The following CHAF1B variants were observed in gnomAD, a reference collection of about 807,000 sequenced individuals.
The protein encoded by CHAF1B is chromatin assembly factor 1 subunit B.
CHAF1B carries 10 observed loss-of-function variants against 60.7 expected under a neutral mutation model. That is an observed-to-expected ratio of 0.16 (90% CI 0.10 to 0.28). CHAF1B has a LOEUF of 0.28. CHAF1B is among the 10% of genes least tolerant of loss of function. The probability of loss-of-function intolerance (pLI) is 1.00; values close to 1 mark genes in which losing one functional copy is unlikely to be tolerated. For synonymous variants in CHAF1B, 261 were observed against 266.1 expected (o/e 0.98, Z 0.19); for missense variants, 558 against 708.4 (o/e 0.79, Z 2.41).
rs2086291223 is a variant in CHAF1B at position 36,413,152 on chromosome 21, A to G, written c.1330A>G (p.Thr444Ala). 1.9e-6 allele frequency: 3 copies of G among 1,613,966 alleles called. No homozygotes were observed. The highest frequency in any genetic ancestry group is 4.5e-5 in the East Asian group (2 of 44,860). Residue 444 changes from threonine to alanine, a missense_variant, in exon 12 of 14, where the codon ACA becomes GCA. Coordinates refer to ENST00000314103, the MANE Select transcript of CHAF1B (RefSeq NM_005441.3). ...TCAGGCCAGACAGGCCCCAGCCCCAACAGTCATCAGGGACCCTCCCTCCAT... is the reference window on the plus strand; with the variant it reads ...TCAGGCCAGACAGGCCCCAGCCCCAGCAGTCATCAGGGACCCTCCCTCCAT... ...PPQARQAPAP[T>A]VIRDPPSITP...
intron 8 of CHAF1B, among the ~76,000 whole-genome samples, chr21:36,404,103 T>C (rs1359542011): frequency 6.6e-6 from 1 of 151,070 alleles, no homozygotes; most frequent in Non-Finnish European, 1.5e-5. Context: ...ATCCTTTTTT[T>C]TTTTTTTTTT....
intron 13 of CHAF1B, chr21:36,415,867 C>T: frequency 2.9e-6 from 1 of 346,440 alleles, no homozygotes; most frequent in South Asian, 2.2e-5. Flanking sequence ...ATTCTCCTGC[C>T]TCGGCCTCCC....
At chr21:36,393,835 G>A (rs1187890876) in intron 4 of CHAF1B, among the ~76,000 whole-genome samples, 1 of 152,084 alleles carries the variant, frequency 6.6e-6, no homozygotes, top group Admixed American at 6.6e-5. Flanking sequence ...TCATTTTAAT[G>A]CTTAGTTCTG....
chr21:36,412,721 G>A, intron 11 of CHAF1B, 163 bp from the exon 12 acceptor site: 1 of 665,906 alleles, frequency 1.5e-6, no homozygotes. Context: ...AAATCGCGAT[G>A]AAACTGCATG....
At chr21:36,390,333 C>CAAAAAAA (rs1555911920) in intron 3 of CHAF1B, among the ~76,000 whole-genome samples, 1 of 81,914 alleles carries the variant, frequency 1.2e-5, no homozygotes, top group Non-Finnish European at 2.8e-5. Flanking sequence ...AACACCATCT[C>CAAAAAAA]AAAAAAAAAA....
At chr21:36,387,813 G>A (rs1030307403) in intron 3 of CHAF1B, 83 bp downstream of exon 3, 3 of 1,436,630 alleles carry the variant, frequency 2.1e-6, no homozygotes, top group Non-Finnish European at 2.9e-6. Context: ...GATTTGAGCT[G>A]GATATGCTTT....
In CHAF1B at chr21:36,405,668, C is replaced by T. The variant is rs1471029711; in HGVS notation, c.757+2817C>T. 2.6e-5 allele frequency among the ~76,000 whole-genome samples: 4 copies of T among 152,052 alleles called. No homozygotes were observed. The East Asian group carries it at 7.7e-4, about 29-fold the overall frequency. ...CTGGTCTTAAACTCCTGGGCTCAAG[C>T]ACCCCTTCCGCCTCGGCCTCCCAAA... On this transcript the variant is annotated intron_variant, in intron 8 of 13. Coordinates refer to ENST00000314103, the MANE Select transcript of CHAF1B (RefSeq NM_005441.3).
intron 7 of CHAF1B, 45 bp from the exon 8 acceptor site, chr21:36,402,713 A>G: frequency 2.6e-6 from 4 of 1,514,556 alleles, no homozygotes; most frequent in Non-Finnish European, 3.6e-6. Context: ...TTGTGTGTAG[A>G]AAACAAACAA....
At chr21:36,405,827 T>A (rs1191684061) in intron 8 of CHAF1B, among the ~76,000 whole-genome samples, 2 of 152,298 alleles carry the variant, frequency 1.3e-5, no homozygotes, top group East Asian at 3.9e-4. Flanking sequence ...AATGGAAAGA[T>A]ATGTCGTGTT....
chr21:36,412,292 G>A (rs1244189733), intron 11 of CHAF1B, among the ~76,000 whole-genome samples: 1 of 152,110 alleles, frequency 6.6e-6, no homozygotes, highest in Non-Finnish European at 1.5e-5. Flanking sequence ...CTGTGTAGAG[G>A]ATGTCACTCA....
intron 5 of CHAF1B, 100 bp from the exon 6 acceptor site, chr21:36,397,315 T>C (rs1413427563): frequency 4.1e-6 from 2 of 487,428 alleles, no homozygotes; most frequent in African/African-American, 2.0e-5. Context: ...GAGTGATGCG[T>C]GGTAAAGGGA....
chr21:36,391,968 C>T (rs2086093706), intron 4 of CHAF1B, among the ~76,000 whole-genome samples: 2 of 91,422 alleles, frequency 2.2e-5, no homozygotes, highest in East Asian at 3.8e-4. Context: ...GGGTGTTTCT[C>T]GGAGAGGGGG....
At chr21:36,390,459 C>T (rs1293557338) in intron 3 of CHAF1B, among the ~76,000 whole-genome samples, 1 of 151,906 alleles carries the variant, frequency 6.6e-6, no homozygotes, top group African/African-American at 2.4e-5. Flanking sequence ...CAGAAGGTTA[C>T]GTGGTAATCG....
rs1319229248 is a variant in CHAF1B, at chr21:36,391,536, T to C, written c.260-15T>C. On this transcript the variant is annotated splice_polypyrimidine_tract_variant and intron_variant, in intron 3 of 13. Transcript: ENST00000314103. ...TGGGTGAAGCGTGGATCACTGTTAC[T>C]GAATCACCCTGCAGATGCTGTCATC... 5 of 1,494,358 alleles carry C rather than the reference T, an allele frequency of 3.3e-6. No individual in the cohort carries two copies. Among genetic ancestry groups the C allele is most frequent in the African/African-American group, 1.4e-5 (1 of 72,310 alleles). 92.6% of individuals were successfully genotyped at this position (1,494,358 alleles called of 1,614,324 possible). A position where few individuals can be genotyped will look rare whatever the true frequency, so the allele number is the denominator to read the frequency against.
At chr21:36,414,859 C>T (rs1235903147) in intron 12 of CHAF1B, among the ~76,000 whole-genome samples, 3 of 152,126 alleles carry the variant, frequency 2.0e-5, no homozygotes, top group African/African-American at 2.4e-5. Flanking sequence ...GTGATCTGCC[C>T]GCCTCAGCCC....
At chr21:36,401,219 A>G (rs2146368269) in intron 7 of CHAF1B, among the ~76,000 whole-genome samples, 1 of 151,304 alleles carries the variant, frequency 6.6e-6, no homozygotes, top group Admixed American at 6.7e-5. Context: ...GTGAGCCGAG[A>G]TTGCGCCATT....
In CHAF1B at chr21:36,408,876, C is replaced by G. The variant is rs369515812; in HGVS notation, c.827+46C>G. On this transcript the variant is annotated intron_variant, in intron 9 of 13. Transcript: ENST00000314103. ...TTGAAATGTTTACATTTTTTTTAGA[C>G]GGAGTTTCGCTCTTGTTGCCCAGGC... 8.7e-6 allele frequency: 12 copies of G among 1,379,232 alleles called. No individual in the cohort carries two copies. In the East Asian group the frequency reaches 2.5e-4, roughly 29 times the overall value. The allele number at this position is 1,379,232 out of a possible 1,614,324, so 85.4% of individuals were successfully genotyped here.
intron 13 of CHAF1B, chr21:36,415,660 C>T: frequency 2.0e-6 from 1 of 492,342 alleles, no homozygotes; most frequent in Non-Finnish European, 3.7e-6. Context: ...ACCTTGTGGG[C>T]CAGGCAATTC....
At chr21:36,410,118 A>C (rs1187277852) in intron 10 of CHAF1B, among the ~76,000 whole-genome samples, 1 of 151,948 alleles carries the variant, frequency 6.6e-6, no homozygotes, top group Non-Finnish European at 1.5e-5. Context: ...GCATGCCACC[A>C]CACCCAGCTA....
Sources: gnomAD v4.1 joint callset for allele counts (sites outside exome capture counted in the v4.1 genomes callset) on GRCh38, gnomAD v4.1.1 for gene constraint, MANE v1.5 for transcripts, NCBI Gene and HGNC (gene_info 2026-07-23, HGNC 2026-07-21) for gene names.